The following GAS7 variants were observed in gnomAD, a reference collection of about 807,000 sequenced individuals.
GAS7 encodes growth arrest specific 7.
GAS7 carries 28 observed loss-of-function variants against 71.1 expected under a neutral mutation model. That is an observed-to-expected ratio of 0.39 (90% CI 0.29 to 0.54). The LOEUF is 0.54. GAS7 is among the 20% of genes least tolerant of loss of function. The pLI, the probability that GAS7 is intolerant of heterozygous loss-of-function variation, is 0.62. For missense variants in GAS7, 436 were observed against 627.8 expected (o/e 0.69, Z 3.27); for synonymous variants, 258 against 245.8 (o/e 1.05, Z -0.46).
At chr17:9,955,118 T>C (rs1336565174) in intron 5 of GAS7, among the ~76,000 whole-genome samples, 2 of 152,182 alleles carry the variant, frequency 1.3e-5, no homozygotes, top group East Asian at 1.9e-4. Context: ...TGCTGTGTCC[T>C]TCTGTGACAT....
chr17:9,980,121 TG>T (rs1160934365), intron 3 of GAS7, among the ~76,000 whole-genome samples: 1 of 152,180 alleles, frequency 6.6e-6, no homozygotes, highest in African/African-American at 2.4e-5. Context: ...AAATAATTTT[TG>T]ATAGAAAACA....
intron 5 of GAS7, among the ~76,000 whole-genome samples, chr17:9,955,253 G>A (rs1240005471): frequency 6.6e-6 from 1 of 152,178 alleles, no homozygotes; most frequent in East Asian, 1.9e-4. Context: ...CTTTCCGCAT[G>A]TGGATTCCTG....
At chr17:10,189,795 C>T (rs2074483835) in intron 1 of GAS7, among the ~76,000 whole-genome samples, 1 of 151,978 alleles carries the variant, frequency 6.6e-6, no homozygotes, top group South Asian at 2.1e-4. Flanking sequence ...AAAAATTAGC[C>T]GGCTGTGGTG....
chr17:10,099,490 T>G (rs1304500167), intron 1 of GAS7, among the ~76,000 whole-genome samples: 2 of 152,222 alleles, frequency 1.3e-5, no homozygotes, highest in African/African-American at 4.8e-5. Flanking sequence ...CTGGAGTGGT[T>G]CTGGCAGGGC....
intron 2 of GAS7, among the ~76,000 whole-genome samples, chr17:9,989,768 A>G (rs2070772023): frequency 6.6e-6 from 1 of 152,248 alleles, no homozygotes; most frequent in Non-Finnish European, 1.5e-5. Flanking sequence ...TGTATTATGT[A>G]TCTATTGTTA....
At chr17:10,120,531 C>T (rs973509668) in intron 1 of GAS7, among the ~76,000 whole-genome samples, 3 of 151,610 alleles carry the variant, frequency 2.0e-5, no homozygotes, top group East Asian at 1.9e-4. Context: ...GCCAACATGG[C>T]GAAAACCCCG....
At chr17:10,153,202 T>A (rs2074180008) in intron 1 of GAS7, among the ~76,000 whole-genome samples, 1 of 17,764 alleles carries the variant, frequency 5.6e-5, no homozygotes, top group South Asian at 2.3e-3. Context: ...ACGGCAAGCC[T>A]CCGTCTCAAA....
At chr17:9,917,621 A>G (rs2067627530) in intron 13 of GAS7, among the ~76,000 whole-genome samples, 1 of 152,166 alleles carries the variant, frequency 6.6e-6, no homozygotes, top group African/African-American at 2.4e-5. Flanking sequence ...TCCACCCCAC[A>G]TTTACCACCA....
intron 1 of GAS7, among the ~76,000 whole-genome samples, chr17:10,167,044 C>CTTTTTGTTTTTTT (rs2074299508): frequency 1.7e-5 from 1 of 58,806 alleles, no homozygotes; most frequent in Non-Finnish European, 2.9e-5. Context: ...TTCCATTTGT[C>CTTTTTGTTTTTTT]TTTTTTTTTT....
chr17:9,995,960 A>G lies in GAS7; in HGVS notation c.305-14076T>C, dbSNP rs17758562. 2.2e-3 allele frequency among the ~76,000 whole-genome samples: 331 copies of G among 152,364 alleles called. 2 individuals carry two copies. The highest frequency in any genetic ancestry group is 2.3e-3 in the Non-Finnish European group (157 of 68,034). On this transcript the variant is annotated intron_variant, in intron 2 of 13. Transcript: ENST00000432992. ...CTCCAAAACACACTACGTGTACAAA[A>G]GGTTCTCACTTTAACAAAAGGGCAT... is the stretch of plus-strand genomic sequence containing the variant.
intron 1 of GAS7, among the ~76,000 whole-genome samples, chr17:10,080,875 A>G (rs1220145519): frequency 6.6e-6 from 1 of 152,224 alleles, no homozygotes; most frequent in Non-Finnish European, 1.5e-5. Flanking sequence ...GAACAGATAG[A>G]CAAATAGTCC....
At chr17:10,088,138 T>C (rs527715209) in intron 1 of GAS7, among the ~76,000 whole-genome samples, 1 of 151,558 alleles carries the variant, frequency 6.6e-6, no homozygotes, top group African/African-American at 2.4e-5. Flanking sequence ...GGAGAGTCAG[T>C]TGAACCCAGG....
chr17:10,118,462 A>C (rs1597802571), intron 1 of GAS7, among the ~76,000 whole-genome samples: 1 of 151,872 alleles, frequency 6.6e-6, no homozygotes, highest in Non-Finnish European at 1.5e-5. Flanking sequence ...TGTAATCCCA[A>C]CACTTTGGGA....
At position 10,185,981 on chromosome 17, in the gene GAS7, A is replaced by C. The variant is rs1236960042; in HGVS notation, c.183+12227T>G. ...TTTTTTTTTTTTTTTTTGGAGACGG[A>C]GTCTCGCTCTGACACCCAGGCTGGA... On this transcript the variant is annotated intron_variant, in intron 1 of 13. Coordinates refer to ENST00000432992, the MANE Select transcript of GAS7 (RefSeq NM_201433.2). Among the ~76,000 whole-genome samples the C allele has an allele frequency of 2.6e-5, 3 of 114,094 alleles. No individual in the cohort carries two copies. The East Asian group carries it at 7.6e-4, about 29-fold the overall frequency. 74.9% of individuals were successfully genotyped at this position (114,094 alleles called of 152,430 possible).
chr17:10,198,057 A>G (rs2074553813), intron 1 of GAS7, 151 bp downstream of exon 1: 1 of 672,478 alleles, frequency 1.5e-6, no homozygotes, highest in Non-Finnish European at 2.5e-6. Context: ...GCCCCCCAGG[A>G]GCGTGGAGCT....
chr17:9,963,908 A>G (rs2069601585), intron 4 of GAS7, among the ~76,000 whole-genome samples: 1 of 151,850 alleles, frequency 6.6e-6, no homozygotes, highest in African/African-American at 2.4e-5. Context: ...AGTAAGTCAG[A>G]AATGTGGTTT....
chr17:9,984,705 TGG>T (rs2070569430), intron 2 of GAS7, among the ~76,000 whole-genome samples: 1 of 152,168 alleles, frequency 6.6e-6, no homozygotes, highest in South Asian at 2.1e-4. Flanking sequence ...GGGATGAAAA[TGG>T]TACCTAAGTA....
At chr17:10,092,596 C>T (rs1191143945) in intron 1 of GAS7, among the ~76,000 whole-genome samples, 1 of 152,228 alleles carries the variant, frequency 6.6e-6, no homozygotes, top group African/African-American at 2.4e-5. Context: ...GTGCTTGCTG[C>T]ATTAGTTTCA....
At chr17:10,024,153 A>C (rs1291037400) in intron 1 of GAS7, among the ~76,000 whole-genome samples, 1 of 152,042 alleles carries the variant, frequency 6.6e-6, no homozygotes, top group African/African-American at 2.4e-5. Flanking sequence ...AAAAATAAAA[A>C]AACTTTTTTC....
Sources: gnomAD v4.1 joint callset for allele counts (sites outside exome capture counted in the v4.1 genomes callset) on GRCh38, gnomAD v4.1.1 for gene constraint, MANE v1.5 for transcripts, NCBI Gene and HGNC (gene_info 2026-07-23, HGNC 2026-07-21) for gene names.